Variants in PDXDC1 observed in about 807,000 individuals in gnomAD.
The protein encoded by PDXDC1 is pyridoxal-dependent decarboxylase domain-containing protein 1.
A neutral mutation model predicts 100.1 loss-of-function variants in PDXDC1; 42 were observed. The ratio of observed to expected loss-of-function variants is 0.42; its 90% CI spans 0.33 to 0.54. The LOEUF (loss-of-function observed/expected upper bound fraction) is 0.54, where lower values mean the gene tolerates loss of function less well. PDXDC1 is among the 20% of genes least tolerant of loss of function. The pLI, the probability that PDXDC1 is intolerant of heterozygous loss-of-function variation, is 0.10. For missense variants in PDXDC1, 636 were observed against 979.2 expected, an observed-to-expected ratio of 0.65 and a Z score of 4.68; for synonymous variants, 260 against 371.7, an observed-to-expected ratio of 0.70 and a Z score of 3.46.
chr16:14,990,548 G>C (rs1402094541), intron 1 of PDXDC1, among the ~76,000 whole-genome samples: 1 of 152,268 alleles, frequency 6.6e-6, no homozygotes, highest in East Asian at 1.9e-4. Context: ...CATTGGTTTA[G>C]ATCTTAATAT....
chr16:14,995,059 C>G (rs575511952), intron 1 of PDXDC1, among the ~76,000 whole-genome samples: 12 of 152,414 alleles, frequency 7.9e-5, no homozygotes, highest in Non-Finnish European at 1.2e-4. Flanking sequence ...ATGGGGTTTT[C>G]TAGATATACA....
rs1030657821 is a variant in PDXDC1, at chr16:15,133,774, C to G, written c.1400-5105C>G. Reference sequence around the variant, plus strand: ...ACAGTCGGGGGATCCCGCTGCTCCCCCTAAGCAGGCCTGTACTCACCCGTG... The same window carrying G: ...ACAGTCGGGGGATCCCGCTGCTCCCGCTAAGCAGGCCTGTACTCACCCGTG... On this transcript the variant is annotated intron_variant, in intron 16 of 16. Transcript: ENST00000535621. The G allele has an allele frequency of 3.1e-6, 5 of 1,588,324 alleles. No homozygotes were observed. The African/African-American group carries it at 5.4e-5, about 17-fold the overall frequency.
In PDXDC1 at chr16:15,131,075, C is replaced by T. The variant is rs778048807; in HGVS notation, c.1400-7804C>T. 91 of 1,603,720 alleles carry T rather than the reference C, an allele frequency of 5.7e-5. 1 individual carries two copies. The highest frequency in any genetic ancestry group is 4.6e-4 in the South Asian group (42 of 90,328). On this transcript the variant is annotated intron_variant, in intron 16 of 16. Transcript: ENST00000535621. ...GCCAGGGGGCCGCGTGTGCCTCACC[C>T]GCTGCACGCACCGTCCAGCAGCGTA...
In PDXDC1 at chr16:15,095,057, C is replaced by T. The variant is rs573120875; in HGVS notation, c.1400-43822C>T. ...TGCACTGTGTTGGCCAGGCTGGTCT[C>T]GAACTCATGACCTCAGGTCATCCGC... On this transcript the variant is annotated intron_variant, in intron 16 of 16. Transcript: ENST00000535621. Among the ~76,000 whole-genome samples, 6 of 152,144 alleles carry T rather than the reference C, an allele frequency of 3.9e-5. No individual in the cohort carries two copies. The South Asian group carries it at 1.2e-3, about 32-fold the overall frequency.
At chr16:14,991,522 G>C (rs1467166104) in intron 1 of PDXDC1, among the ~76,000 whole-genome samples, 1 of 145,588 alleles carries the variant, frequency 6.9e-6, no homozygotes, top group African/African-American at 2.5e-5. Context: ...GCTGTATTTT[G>C]TCTATTTTTT....
intron 16 of PDXDC1, chr16:15,126,011 G>A: frequency 5.0e-6 from 3 of 597,012 alleles, no homozygotes; most frequent in South Asian, 2.0e-5. Context: ...GCAGACTGGT[G>A]CAGCTAAGGA....
chr16:15,039,701 G>A (rs1280473861), downstream of PDXDC1, among the ~76,000 whole-genome samples: 1 of 152,124 alleles, frequency 6.6e-6, no homozygotes, highest in African/African-American at 2.4e-5. Flanking sequence ...AGTAACAGAA[G>A]TTTGTTCTCT....
intron 8 of PDXDC1, among the ~76,000 whole-genome samples, chr16:15,011,491 T>C (rs1407353464): frequency 6.6e-6 from 1 of 152,286 alleles, no homozygotes; most frequent in African/African-American, 2.4e-5. Flanking sequence ...GACCTTAGGT[T>C]ACATTTCTTA....
At chr16:14,991,117 T>C (rs1375070876) in intron 1 of PDXDC1, among the ~76,000 whole-genome samples, 2 of 152,288 alleles carry the variant, frequency 1.3e-5, no homozygotes, top group Admixed American at 6.5e-5. Flanking sequence ...GAGATTCACC[T>C]GGGGATTGTG....
At chr16:14,995,290 GCT>G (rs1567634815) in intron 1 of PDXDC1, among the ~76,000 whole-genome samples, 5 of 152,398 alleles carry the variant, frequency 3.3e-5, no homozygotes, top group African/African-American at 1.2e-4. Context: ...GTCATAGATA[GCT>G]CTTATTATTT....
intron 9 of PDXDC1, 35 bp downstream of exon 9, chr16:15,016,248 G>T (rs1333408553): frequency 6.2e-7 from 1 of 1,607,706 alleles, no homozygotes; most frequent in Non-Finnish European, 8.5e-7. Flanking sequence ...CTCCATTCGG[G>T]CCTGCACAGA....
At chr16:15,061,982 G>A (rs984957833) in intron 16 of PDXDC1, 1 of 1,391,306 alleles carries the variant, frequency 7.2e-7, no homozygotes, top group African/African-American at 1.4e-5. Context: ...TCCTCAGGAA[G>A]GTGTTAACGT....
intron 16 of PDXDC1, among the ~76,000 whole-genome samples, chr16:15,068,726 G>GA (rs2045089210): frequency 6.6e-6 from 1 of 152,034 alleles, no homozygotes. Context: ...GTCATCTGTA[G>GA]TTTTTTTTCT....
chr16:15,023,590 C>T (rs1407414428), intron 13 of PDXDC1, among the ~76,000 whole-genome samples: 8 of 152,282 alleles, frequency 5.3e-5, no homozygotes, highest in Non-Finnish European at 8.8e-5. Context: ...ACCCGGGAGG[C>T]GGAGGTTGCA....
intron 16 of PDXDC1, among the ~76,000 whole-genome samples, chr16:15,095,819 C>T (rs1475053701): frequency 6.6e-6 from 1 of 150,984 alleles, no homozygotes; most frequent in Non-Finnish European, 1.5e-5. Context: ...CATTGCACTC[C>T]AGCCTGGGTG....
intron 5 of PDXDC1, among the ~76,000 whole-genome samples, chr16:15,006,050 G>A (rs1408315573): frequency 6.6e-6 from 1 of 152,292 alleles, no homozygotes; most frequent in Non-Finnish European, 1.5e-5. Context: ...ACTCTGCTAT[G>A]AACTATGCCT....
chr16:15,032,894 G>A lies in PDXDC1; in HGVS notation c.1605G>A (p.Leu535=), dbSNP rs2043152758. Residue 535 remains leucine (L), a synonymous_variant, in exon 18 of 23, where the codon TTG becomes TTA. Transcript: ENST00000396410. ...YEHANDDKSS[L]KSDPEGENIH... is the part of the protein sequence containing the mutation. ...ATGCTAATGATGATAAGAGCAGTTT[G>A]AAATCAGATCCCGAAGGGGAAAACA... is the stretch of plus-strand genomic sequence containing the variant. 1 of 1,610,306 alleles carries A rather than the reference G, an allele frequency of 6.2e-7. No homozygotes were observed. The highest frequency in any genetic ancestry group is 1.3e-5 in the African/African-American group (1 of 74,988).
intron 16 of PDXDC1, chr16:15,131,707 C>A: frequency 6.5e-7 from 1 of 1,531,326 alleles, no homozygotes; most frequent in East Asian, 2.4e-5. Flanking sequence ...GATGAGGTCT[C>A]CTGCAGACAG....
At chr16:15,049,153 C>T (rs1265097904) in intron 16 of PDXDC1, among the ~76,000 whole-genome samples, 248 of 126,024 alleles carry the variant, frequency 2.0e-3, no homozygotes, top group Middle Eastern at 0.013. Flanking sequence ...CCTGGCCTCC[C>T]AAAGTGCTGG....
Sources: gnomAD v4.1 joint callset for allele counts (sites outside exome capture counted in the v4.1 genomes callset) on GRCh38, gnomAD v4.1.1 for gene constraint, MANE v1.5 for transcripts, NCBI Gene and HGNC (gene_info 2026-07-23, HGNC 2026-07-21) for gene names.